The following DNAAF9 variants were observed in gnomAD, a reference collection of about 807,000 sequenced individuals.
DNAAF9 encodes dynein axonemal assembly factor 9, also known as shulin.
A neutral mutation model predicts 167.0 loss-of-function variants in DNAAF9; 90 were observed. The ratio of observed to expected loss-of-function variants is 0.54; its 90% confidence interval spans 0.45 to 0.64. The LOEUF (loss-of-function observed/expected upper bound fraction) is 0.64. Among genes scored for constraint, DNAAF9 ranks in the 30% least tolerant of loss-of-function variants. The pLI is 0.00. For synonymous variants in DNAAF9, 491 were observed against 508.8 expected (o/e 0.96, Z 0.47); for missense variants, 1,315 against 1,442.2 (o/e 0.91, Z 1.43).
At chr20:3,361,187 A>G (rs947868301) in intron 6 of DNAAF9, among the ~76,000 whole-genome samples, 1 of 152,134 alleles carries the variant, frequency 6.6e-6, no homozygotes, top group Non-Finnish European at 1.5e-5. Context: ...AGGGAATAAA[A>G]AGCAGCACCC....
At chr20:3,329,631 T>C (rs2069783645) in intron 12 of DNAAF9, among the ~76,000 whole-genome samples, 1 of 152,228 alleles carries the variant, frequency 6.6e-6, no homozygotes, top group African/African-American at 2.4e-5. Context: ...ATTGTAATCC[T>C]GGGATTGGGC....
At position 3,270,517 on chromosome 20, in the gene DNAAF9, C is replaced by T. The variant is rs151271545; in HGVS notation, c.2696G>A (p.Arg899Gln). The part of the protein sequence containing the change: ...VVFTSHTTEQ[R>Q]HPLLVQLQSL... The stretch of plus-strand genomic sequence containing the variant: ...CTGCAGCTGAACAAGGAGAGGGTGC[C>T]GCTGCTCCGTGGTGTGACTGGTGAA... The change falls in exon 30 of 37, where the codon CGG becomes CAG. Residue 899 changes from arginine to glutamine, a missense_variant. Coordinates refer to ENST00000252032, the MANE Select transcript of DNAAF9 (RefSeq NM_001009984.3). The T allele has an allele frequency of 8.7e-6, 14 of 1,612,512 alleles. No individual in the cohort carries two copies. In the South Asian group the frequency reaches 9.9e-5, roughly 11 times the overall value.
Position 3,382,437 on chromosome 20 carries a change from G to C in DNAAF9, c.153C>G (p.Leu51=). Residue 51 remains leucine (L), a synonymous_variant, in exon 2 of 37, where the codon CTC becomes CTG. Coordinates refer to ENST00000252032, the MANE Select transcript of DNAAF9 (RefSeq NM_001009984.3). ...GTTAAAAGCACTGACCTAGGATGCA[G>C]AGGATCCCATCCGGCCGAGACTTGC... ...QSSKSRPDGI[L]CILGIDSRYN... is the part of the protein sequence containing the mutation. 1 of 1,613,598 alleles carries C rather than the reference G, an allele frequency of 6.2e-7. No homozygotes were observed. Among genetic ancestry groups the C allele is most frequent in the Non-Finnish European group, 8.5e-7 (1 of 1,179,532 alleles).
intron 1 of DNAAF9, among the ~76,000 whole-genome samples, chr20:3,383,271 CTTTTTTTTTTTT>C (rs11087581): frequency 5.2e-5 from 6 of 114,392 alleles, no homozygotes; most frequent in Non-Finnish European, 8.6e-5. Flanking sequence ...TTCCCTAACA[CTTTTTTTTTTTT>C]TTTTTTTTGA....
rs114881519 is a variant in DNAAF9, at chr20:3,291,810, G to A, written c.2239-1593C>T. On this transcript the variant is annotated intron_variant, in intron 25 of 36. Coordinates refer to ENST00000252032, the MANE Select transcript of DNAAF9 (RefSeq NM_001009984.3). ...TTGTAGGACCCAGAAGCTGTCTCTT[G>A]TTCCCTCTGACCAGGGCCTCTACAC... Among the ~76,000 whole-genome samples, 1,360 of 152,162 alleles carry A rather than the reference G, an allele frequency of 8.9e-3. 23 individuals are homozygous for A. The highest frequency in any genetic ancestry group is 0.032 in the African/African-American group (1,312 of 41,518).
At chr20:3,395,527 G>A (rs900108862) in intron 1 of DNAAF9, among the ~76,000 whole-genome samples, 2 of 151,974 alleles carry the variant, frequency 1.3e-5, no homozygotes, top group Non-Finnish European at 2.9e-5. Context: ...GCAATCCACC[G>A]CCTTGGCCTC....
chr20:3,384,736 T>C (rs1282305273), intron 1 of DNAAF9, among the ~76,000 whole-genome samples: 1 of 151,974 alleles, frequency 6.6e-6, no homozygotes, highest in African/African-American at 2.4e-5. Context: ...TTCAGCAACA[T>C]GTAAAACAAC....
At chr20:3,338,126 C>T (rs1568613747) in intron 10 of DNAAF9, among the ~76,000 whole-genome samples, 1 of 150,716 alleles carries the variant, frequency 6.6e-6, no homozygotes, top group Non-Finnish European at 1.5e-5. Flanking sequence ...ATAAAGAACA[C>T]TTAACATTTC....
chr20:3,262,870 C>G (rs541130934), intron 31 of DNAAF9, among the ~76,000 whole-genome samples: 2 of 151,566 alleles, frequency 1.3e-5, no homozygotes, highest in South Asian at 4.2e-4. Context: ...TGATTCAAAT[C>G]AGAGATTCCT....
Position 3,252,663 on chromosome 20 carries a change from T to C in DNAAF9, c.3443A>G (p.Asp1148Gly), listed in dbSNP as rs1178751964. 8 of 1,605,994 alleles carry C rather than the reference T, an allele frequency of 5.0e-6. No homozygotes were observed. In the Admixed American group the frequency reaches 1.3e-4, roughly 27 times the overall value. The stretch of plus-strand genomic sequence containing the variant: ...TTCCCGGTTGGCTTCTTCCACGTAG[T>C]CATTCATGAACTGGTCCATGACTGG... Reference protein sequence around the residue: ...FHPLMDQFMNDYVEEANREIE... With the variant: ...FHPLMDQFMNGYVEEANREIE... The change falls in exon 37 of 37, where the codon GAC becomes GGC. Residue 1148 changes from aspartate (D) to glycine (G), a missense_variant. Around this residue, in one of 2 missense-constraint regions of DNAAF9, gnomAD observed 334 missense variants for 429.7 expected, o/e 0.78. Transcript: ENST00000252032.
At chr20:3,259,638 TG>T (rs1488616756) in intron 32 of DNAAF9, 84 bp from the exon 33 acceptor site, 1 of 950,554 alleles carries the variant, frequency 1.1e-6, no homozygotes, top group Non-Finnish European at 1.7e-6. Context: ...TTTTAGGGAC[TG>T]GGGAGGGACC....
intron 10 of DNAAF9, among the ~76,000 whole-genome samples, chr20:3,334,636 C>T (rs2069903048): frequency 1.3e-5 from 2 of 152,184 alleles, no homozygotes; most frequent in Admixed American, 1.3e-4. Context: ...AAACTGTCTT[C>T]CAAAGTGACT....
chr20:3,361,827 G>A, intron 6 of DNAAF9: 1 of 1,411,838 alleles, frequency 7.1e-7, no homozygotes, highest in Non-Finnish European at 9.8e-7. Context: ...AATGAAGACT[G>A]CTTAAATCGA....
chr20:3,260,054 T>C, intron 31 of DNAAF9, 26 bp from the exon 32 acceptor site: 13 of 1,425,468 alleles, frequency 9.1e-6, no homozygotes, highest in Non-Finnish European at 1.3e-5. Context: ...AAATTTTAAG[T>C]ACAGGCCGGG....
chr20:3,386,218 C>T (rs550606311), intron 1 of DNAAF9, among the ~76,000 whole-genome samples: 1 of 152,092 alleles, frequency 6.6e-6, no homozygotes, highest in African/African-American at 2.4e-5. Flanking sequence ...ATCACTCTAC[C>T]CAATGTCAAG....
intron 21 of DNAAF9, 27 bp from the exon 22 acceptor site, chr20:3,298,202 CAAG>C (rs756165549): frequency 1.9e-6 from 3 of 1,599,472 alleles, no homozygotes; most frequent in East Asian, 2.2e-5. Flanking sequence ...GGAGCATCAG[CAAG>C]AAGAGCATCT....
intron 28 of DNAAF9, among the ~76,000 whole-genome samples, chr20:3,279,186 G>A (rs185421050): frequency 1.5e-3 from 228 of 152,304 alleles, no homozygotes; most frequent in Admixed American, 2.6e-3. Flanking sequence ...GAATGCTGAA[G>A]GAGGGATACT....
intron 36 of DNAAF9, 134 bp downstream of exon 36, chr20:3,253,592 C>CA (rs1366218057): frequency 6.1e-6 from 4 of 660,856 alleles, no homozygotes; most frequent in Non-Finnish European, 1.1e-5. Flanking sequence ...ATTCCTGACC[C>CA]ATCAGTGGAC....
chr20:3,258,348 T>C (rs890981185), intron 33 of DNAAF9, among the ~76,000 whole-genome samples: 33 of 152,266 alleles, frequency 2.2e-4, no homozygotes, highest in Admixed American at 1.8e-3. Flanking sequence ...TAAGGACCCA[T>C]GTAATTCTCC....
Sources: allele counts gnomAD v4.1 joint callset (sites outside exome capture counted in the v4.1 genomes callset), GRCh38; gene constraint gnomAD v4.1.1; regional missense constraint gnomAD v4.1.1; transcripts MANE v1.5; gene names NCBI Gene and HGNC (gene_info 2026-07-23, HGNC 2026-07-21).